Variants in RBPJ observed in about 807,000 individuals in gnomAD.
RBPJ encodes the protein recombining binding protein suppressor of hairless.
RBPJ carries 9 observed loss-of-function variants against 67.8 expected under a neutral mutation model. The ratio of observed to expected loss-of-function variants is 0.13; its 90% CI spans 0.08 to 0.23. The LOEUF is 0.23. Among genes scored for constraint, RBPJ ranks in the 10% least tolerant of loss-of-function variants. The pLI is 1.00. For missense variants in RBPJ, 305 were observed against 595.6 expected, an observed-to-expected ratio of 0.51 and a Z score of 5.08; for synonymous variants, 198 against 203.3, an observed-to-expected ratio of 0.97 and a Z score of 0.22.
chr4:26,413,929 G>A (rs1734287922), intron 3 of RBPJ, among the ~76,000 whole-genome samples: 1 of 152,154 alleles, frequency 6.6e-6, no homozygotes, highest in Admixed American at 6.5e-5. Context: ...TTGAACAATT[G>A]GAGGACGGGA....
intron 1 of RBPJ, among the ~76,000 whole-genome samples, chr4:26,242,065 C>T (rs1466871680): frequency 6.6e-6 from 1 of 152,038 alleles, no homozygotes; most frequent in Non-Finnish European, 1.5e-5. Context: ...CAGCCTTTTT[C>T]TCATGTCTTT....
chr4:26,338,639 G>A (rs1437510129), intron 1 of RBPJ, among the ~76,000 whole-genome samples: 3 of 148,336 alleles, frequency 2.0e-5, no homozygotes, highest in East Asian at 2.0e-4. Context: ...GCAGTGGCAC[G>A]ATCTTGGCTC....
intron 3 of RBPJ, among the ~76,000 whole-genome samples, chr4:26,406,836 C>A (rs925813865): frequency 6.6e-5 from 10 of 152,160 alleles, no homozygotes; most frequent in Non-Finnish European, 1.2e-4. Flanking sequence ...CTGGGCCTGC[C>A]CAGACATGCC....
chr4:26,370,227 A>G (rs1031245798), intron 1 of RBPJ, among the ~76,000 whole-genome samples: 1 of 151,778 alleles, frequency 6.6e-6, no homozygotes, highest in Admixed American at 6.6e-5. Context: ...AAAAATTAAC[A>G]GTTAGAATGA....
rs116299497 is a variant in RBPJ at position 26,252,414 on chromosome 4, G to A, written c.-167+88800G>A. On this transcript the variant is annotated intron_variant, in intron 1 of 4. Transcript: ENST00000512351. The stretch of plus-strand genomic sequence containing the variant: ...AGTTCGAGACCAGTTTGGGCAACAT[G>A]GCAAAACCATGTCTCTACAAAAATT... 4.8e-3 allele frequency among the ~76,000 whole-genome samples: 725 copies of A among 152,140 alleles called. 4 individuals are homozygous for A. Among genetic ancestry groups the A allele is most frequent in the African/African-American group, 0.017 (697 of 41,508 alleles).
intron 1 of RBPJ, among the ~76,000 whole-genome samples, chr4:26,242,523 C>T (rs150188976): frequency 0.018 from 2,732 of 150,864 alleles, 41 homozygotes; most frequent in Non-Finnish European, 0.029. Flanking sequence ...CCACTAAGAC[C>T]CTTTGAGGTA....
At chr4:26,316,645 T>TACACATATTGATATATATATAC (rs1722647973), upstream of RBPJ, among the ~76,000 whole-genome samples, 1 of 139,474 alleles carries the variant, frequency 7.2e-6, no homozygotes, top group East Asian at 2.0e-4. Flanking sequence ...GATATATATA[T>TACACATATTGATATATATATAC]ACACATATTG....
intron 1 of RBPJ, among the ~76,000 whole-genome samples, chr4:26,236,944 T>C (rs934615250): frequency 4.7e-4 from 72 of 152,156 alleles, no homozygotes; most frequent in Admixed American, 4.7e-3. Flanking sequence ...TTTATTGGAT[T>C]TTAACAACAG....
At chr4:26,169,542 G>C (rs1307030956) in intron 1 of RBPJ, among the ~76,000 whole-genome samples, 1 of 152,230 alleles carries the variant, frequency 6.6e-6, no homozygotes, top group Non-Finnish European at 1.5e-5. Flanking sequence ...CACCTGAGGA[G>C]GCAGTCTGCC....
the RBPJ span, among the ~76,000 whole-genome samples, chr4:26,132,761 C>A: frequency 1.3e-5 from 2 of 152,134 alleles, no homozygotes; most frequent in African/African-American, 4.8e-5. Flanking sequence ...TGGGGTGTAA[C>A]CAACTTCTTT....
chr4:26,424,822 G>A lies in RBPJ; in HGVS notation c.747+79G>A, dbSNP rs1000630414. ...AACAGGAAAATCACAACATTCAAAT[G>A]GAAAAACACACCTCAGTTTTATGCT... On this transcript the variant is annotated intron_variant, in intron 7 of 10. Transcript: ENST00000355476. This position sits in a 1 kb window ranked among gnomAD's most constrained non-coding sequence, Gnocchi z 5.3. The A allele has an allele frequency of 2.5e-6, 2 of 803,096 alleles. No homozygotes were observed. Among genetic ancestry groups the A allele is most frequent in the African/African-American group, 3.4e-5 (2 of 58,212 alleles). The allele number at this position is 803,096 out of a possible 1,614,324, so 49.7% of individuals were successfully genotyped here. A position where few individuals can be genotyped will look rare whatever the true frequency, so the allele number is the denominator to read the frequency against.
At chr4:26,316,822 G>A, upstream of RBPJ, among the ~76,000 whole-genome samples, 3 of 86,986 alleles carry the variant, frequency 3.4e-5, no homozygotes, top group Non-Finnish European at 4.4e-5. Flanking sequence ...GTCTAACCCA[G>A]ACGACTTTTT....
chr4:26,337,048 G>A (rs148771666), intron 1 of RBPJ, among the ~76,000 whole-genome samples: 1,907 of 151,836 alleles, frequency 0.013, 47 homozygotes, highest in African/African-American at 0.044. Flanking sequence ...TGCATCCTCC[G>A]TCTCCCGGGT....
chr4:26,128,222 A>G, the RBPJ span, among the ~76,000 whole-genome samples: 3 of 152,170 alleles, frequency 2.0e-5, no homozygotes, highest in Non-Finnish European at 4.4e-5. Context: ...TGTTGTTCCT[A>G]TTTCTTCATA....
chr4:26,255,355 G>A (rs1249023384), intron 1 of RBPJ, among the ~76,000 whole-genome samples: 1 of 104,962 alleles, frequency 9.5e-6, no homozygotes, highest in African/African-American at 4.7e-5. Flanking sequence ...AGTGAGCCGA[G>A]ATCGCGCCAC....
intron 1 of RBPJ, among the ~76,000 whole-genome samples, chr4:26,336,475 C>T (rs1577463646): frequency 6.6e-6 from 1 of 151,634 alleles, no homozygotes; most frequent in Non-Finnish European, 1.5e-5. Flanking sequence ...ATAGGAAGAC[C>T]CCATCTCTTA....
intron 1 of RBPJ, among the ~76,000 whole-genome samples, chr4:26,288,412 C>T (rs555711171): frequency 1.5e-4 from 23 of 152,318 alleles, no homozygotes; most frequent in South Asian, 1.4e-3. Flanking sequence ...TTGAGTGCCC[C>T]TCTGGCATGG....
intron 1 of RBPJ, among the ~76,000 whole-genome samples, chr4:26,261,878 C>T (rs1720550931): frequency 1.3e-5 from 2 of 152,194 alleles, no homozygotes; most frequent in South Asian, 4.1e-4. Context: ...TATACCAGAA[C>T]TTTTAAATGA....
chr4:26,239,375 A>T (rs1045346318), intron 1 of RBPJ, among the ~76,000 whole-genome samples: 4 of 152,226 alleles, frequency 2.6e-5, no homozygotes, highest in African/African-American at 9.6e-5. Flanking sequence ...GTTACTGAAG[A>T]GAAACAGTGA....
Sources: gnomAD v4.1 joint callset for allele counts (sites outside exome capture counted in the v4.1 genomes callset) on GRCh38, gnomAD v4.1.1 for gene constraint, Gnocchi (gnomAD v3.1) non-coding constraint, MANE v1.5 for transcripts, NCBI Gene and HGNC (gene_info 2026-07-23, HGNC 2026-07-21) for gene names.